Variants in TNR observed in about 807,000 individuals in gnomAD.
TNR encodes the protein tenascin-R.
In TNR, 45 loss-of-function variants were observed where a neutral mutation model predicts 150.4. The observed-to-expected ratio is 0.30, with a 90% CI of 0.24 to 0.38. The LOEUF (loss-of-function observed/expected upper bound fraction) is 0.38, where lower values mean the gene tolerates loss of function less well. Ranked by LOEUF, TNR falls within the 10% of genes least tolerant of loss-of-function variation. The pLI is 1.00. For missense variants in TNR, 1,544 were observed against 1,759.1 expected (o/e 0.88, Z 2.19); for synonymous variants, 687 against 678.4 (o/e 1.01, Z -0.20).
chr1:175,357,017 G>A (rs1340419035), intron 15 of TNR, among the ~76,000 whole-genome samples: 3 of 152,184 alleles, frequency 2.0e-5, no homozygotes, highest in African/African-American at 7.2e-5. Flanking sequence ...TTTTGGGAAT[G>A]CCATGTGATA....
In TNR at chr1:175,403,427, C is replaced by G. The variant is rs767647824; in HGVS notation, c.689G>C (p.Cys230Ser). The G allele has an allele frequency of 2.5e-6, 4 of 1,614,106 alleles. No individual in the cohort carries two copies. Among genetic ancestry groups the G allele is most frequent in the South Asian group, 1.1e-5 (1 of 91,088 alleles). ...ICDSEYSGDD[C>S]SELRCPTDCS... ...GTCTGTTGGGCACCGGAGTTCGGAA[C>G]AGTCATCCCCGCTGTACTCGCTGTC... The change falls in exon 4 of 23, where the codon TGT becomes TCT. Residue 230 changes from cysteine (C) to serine (S), a missense_variant. Physicochemically the swap from Cys to Ser is moderately radical, Grantham distance 112. Transcript: ENST00000367674.
chr1:175,597,323 G>A (rs987917466), intron 1 of TNR, among the ~76,000 whole-genome samples: 3 of 152,146 alleles, frequency 2.0e-5, no homozygotes, highest in Admixed American at 6.5e-5. Flanking sequence ...AGAACCTCAC[G>A]TGAGGAACAG....
rs141223365 is a variant in TNR at position 175,330,014 on chromosome 1, AT to A, written c.3793+59del. The A allele has an allele frequency of 1.2e-3, 1,638 of 1,419,272 alleles. 16 individuals carry two copies. In the African/African-American group the frequency reaches 0.02, roughly 17 times the overall value. 87.9% of individuals were successfully genotyped at this position (1,419,272 alleles called of 1,614,324 possible). On this transcript the variant is annotated intron_variant, in intron 21 of 22. Coordinates refer to ENST00000367674, the MANE Select transcript of TNR (RefSeq NM_003285.3). ...CTTCCTGAGGCAGCTTACGCCTAGA[AT>A]CTGGGGGCTCTTGTCCCATGCCCAC...
At chr1:175,499,625 A>T (rs1304839171) in intron 2 of TNR, among the ~76,000 whole-genome samples, 1 of 152,178 alleles carries the variant, frequency 6.6e-6, no homozygotes, top group Non-Finnish European at 1.5e-5. Flanking sequence ...TCCTCTGACT[A>T]GGTTTTTCTG....
intron 1 of TNR, among the ~76,000 whole-genome samples, chr1:175,665,622 T>G (rs997869286): frequency 1.3e-5 from 2 of 152,220 alleles, no homozygotes; most frequent in African/African-American, 4.8e-5. Flanking sequence ...TAAAAATGAT[T>G]CTACTGATGA....
At chr1:175,715,419 G>A (rs968539464) in intron 1 of TNR, among the ~76,000 whole-genome samples, 2 of 152,168 alleles carry the variant, frequency 1.3e-5, no homozygotes, top group Admixed American at 6.5e-5. Flanking sequence ...CTGAGGACCT[G>A]AGGGTTGATT....
chr1:175,529,123 C>G (rs1659966821), intron 1 of TNR, among the ~76,000 whole-genome samples: 1 of 152,176 alleles, frequency 6.6e-6, no homozygotes, highest in Non-Finnish European at 1.5e-5. Flanking sequence ...TACACAATTT[C>G]CAAGGAAGTG....
chr1:175,536,183 C>T (rs1660272316), intron 1 of TNR, among the ~76,000 whole-genome samples: 1 of 152,106 alleles, frequency 6.6e-6, no homozygotes, highest in African/African-American at 2.4e-5. Flanking sequence ...CCTTTGTAAT[C>T]TTATATATTT....
intron 13 of TNR, 35 bp downstream of exon 13, chr1:175,363,673 C>T (rs749037549): frequency 3.7e-6 from 6 of 1,605,908 alleles, no homozygotes; most frequent in South Asian, 3.3e-5. Context: ...TCACCCAAAT[C>T]CTAGTATCTT....
At position 175,330,200 on chromosome 1, in the gene TNR, G is replaced by A. The variant is rs760079630; in HGVS notation, c.3667C>T (p.Arg1223Cys). 17 of 1,609,254 alleles carry A rather than the reference G, an allele frequency of 1.1e-5. No individual in the cohort carries two copies. The highest frequency in any genetic ancestry group is 1.3e-5 in the Non-Finnish European group (15 of 1,176,534). The change falls in exon 21 of 23, where the codon CGC becomes TGC. Residue 1223 changes from arginine to cysteine, a missense_variant. This residue lies in a region of TNR where 290 missense variants were observed against 429.7 expected (regional missense o/e 0.67). Coordinates refer to ENST00000367674, the MANE Select transcript of TNR (RefSeq NM_003285.3). The stretch of plus-strand genomic sequence containing the variant: ...CGCATGTCCACGCGCAGCTCATAGC[G>A]GCCCTGGGATGTGATCCTGTGTATA... ...DNIHRITSQG[R>C]YELRVDMRDG...
chr1:175,500,317 G>A (rs1402305145), intron 2 of TNR, among the ~76,000 whole-genome samples: 1 of 152,162 alleles, frequency 6.6e-6, no homozygotes, highest in African/African-American at 2.4e-5. Flanking sequence ...GGCCTTACAA[G>A]TCACGTTCTC....
intron 1 of TNR, among the ~76,000 whole-genome samples, chr1:175,725,444 C>T (rs570251211): frequency 5.7e-4 from 87 of 152,310 alleles, no homozygotes; most frequent in Admixed American, 1.9e-3. Flanking sequence ...TCAACAGATA[C>T]GACTTCCACC....
chr1:175,743,379 C>T lies in TNR; in HGVS notation c.-318G>A, dbSNP rs528543049. ...CCTATTCTGGGAGGAAGAGACAAGG[C>T]TCCACGAAAGAAATGAAACCCAAGC... On this transcript the variant is annotated 5_prime_UTR_variant, in exon 1 of 23. Coordinates refer to ENST00000367674, the MANE Select transcript of TNR (RefSeq NM_003285.3). 7.9e-5 allele frequency: 12 copies of T among 152,294 alleles called. 1 individual carries two copies. Among genetic ancestry groups the T allele is most frequent in the African/African-American group, 2.9e-4 (12 of 41,562 alleles). 9.4% of individuals were successfully genotyped at this position (152,294 alleles called of 1,614,324 possible).
At chr1:175,350,344 C>G (rs1650997908) in intron 18 of TNR, among the ~76,000 whole-genome samples, 1 of 152,172 alleles carries the variant, frequency 6.6e-6, no homozygotes, top group Non-Finnish European at 1.5e-5. Context: ...TTAGGACAAG[C>G]TTTAGTGAGA....
chr1:175,682,795 C>A (rs1482444530), intron 1 of TNR, among the ~76,000 whole-genome samples: 5 of 152,152 alleles, frequency 3.3e-5, no homozygotes, highest in Non-Finnish European at 7.3e-5. Context: ...AAGAGGGGTG[C>A]AAGAGCATGG....
At chr1:175,417,011 AAAAGAAAGAAAGAAAGAAAGAAAGAAAG>A (rs61354589) in intron 2 of TNR, among the ~76,000 whole-genome samples, 20 of 90,902 alleles carry the variant, frequency 2.2e-4, no homozygotes, top group African/African-American at 9.1e-4. Context: ...CCATCTCAAA[AAAAGAAAGAAAGAAAGAAAGAAAGAAAG>A]AAAGAAAGAA....
At chr1:175,652,818 A>C (rs1665040300) in intron 1 of TNR, among the ~76,000 whole-genome samples, 1 of 152,214 alleles carries the variant, frequency 6.6e-6, no homozygotes, top group African/African-American at 2.4e-5. Context: ...GTAGTTCTTT[A>C]TAGCAGTGTG....
At chr1:175,490,748 G>C (rs1658213271) in intron 2 of TNR, among the ~76,000 whole-genome samples, 1 of 152,096 alleles carries the variant, frequency 6.6e-6, no homozygotes, top group Non-Finnish European at 1.5e-5. Flanking sequence ...TGAAGAAAAA[G>C]GAACAATTTT....
At chr1:175,349,259 C>T (rs915497446) in intron 18 of TNR, among the ~76,000 whole-genome samples, 4 of 152,124 alleles carry the variant, frequency 2.6e-5, no homozygotes, top group Non-Finnish European at 5.9e-5. Context: ...GAAGGCATTA[C>T]CTTAGTGATC....
Sources: allele counts gnomAD v4.1 joint callset (sites outside exome capture counted in the v4.1 genomes callset), GRCh38; gene constraint gnomAD v4.1.1; regional missense constraint gnomAD v4.1.1; transcripts MANE v1.5; gene names NCBI Gene and HGNC (gene_info 2026-07-23, HGNC 2026-07-21).